Variants in CNTN4 observed in about 807,000 individuals in gnomAD.
CNTN4 encodes contactin-4.
Under a neutral mutation model 122.5 loss-of-function variants are expected in CNTN4, and 77 were observed. The observed-to-expected ratio is 0.63, with a 90% CI of 0.52 to 0.76. The LOEUF (loss-of-function observed/expected upper bound fraction) is 0.76, where lower values mean the gene tolerates loss of function less well. CNTN4 is among the 30% of genes least tolerant of loss of function. CNTN4 has a pLI of 0.00. For missense variants in CNTN4, 1,256 were observed against 1,259.1 expected, an observed-to-expected ratio of 1.00 and a Z score of 0.04; for synonymous variants, 512 against 447.0, an observed-to-expected ratio of 1.15 and a Z score of -1.83.
intron 20 of CNTN4, among the ~76,000 whole-genome samples, 168 bp from the exon 21 acceptor site, chr3:3,042,142 C>T (rs1322908491): frequency 1.3e-5 from 2 of 152,160 alleles, no homozygotes; most frequent in African/African-American, 4.8e-5. Context: ...TATTCACTAC[C>T]ACCAACTCCA....
intron 4 of CNTN4, among the ~76,000 whole-genome samples, chr3:2,574,196 A>G (rs776736909): frequency 1.1e-4 from 16 of 152,248 alleles, no homozygotes; most frequent in Non-Finnish European, 2.2e-4. Context: ...AGCCTGGGCA[A>G]CAAGAGTGAA....
At chr3:2,261,592 G>A (rs372473838) in intron 2 of CNTN4, among the ~76,000 whole-genome samples, 1 of 152,256 alleles carries the variant, frequency 6.6e-6, no homozygotes, top group South Asian at 2.1e-4. Context: ...ATCTGGGATA[G>A]AAGCTTCTGC....
chr3:3,015,051 G>A (rs78297884), intron 14 of CNTN4, among the ~76,000 whole-genome samples: 1,903 of 152,092 alleles, frequency 0.013, 22 homozygotes, highest in Middle Eastern at 0.024. Context: ...TCTCCAAAAT[G>A]AAAAACAGTA....
At position 2,639,986 on chromosome 3, in the gene CNTN4, G is replaced by T. The variant is rs189681640; in HGVS notation, c.55+68428G>T. 5.3e-5 allele frequency among the ~76,000 whole-genome samples: 8 copies of T among 152,282 alleles called. No individual in the cohort carries two copies. The East Asian group carries it at 1.3e-3, about 26-fold the overall frequency. ...ACATAATACACATTTGGGTTTTAAA[G>T]AATTTAGTTAATTGAATTCAATGAA... On this transcript the variant is annotated intron_variant, in intron 4 of 24. Transcript: ENST00000418658.
chr3:2,287,988 G>A (rs2042005090), intron 2 of CNTN4, among the ~76,000 whole-genome samples: 1 of 152,274 alleles, frequency 6.6e-6, no homozygotes, highest in Admixed American at 6.5e-5. Flanking sequence ...ATAAGAATCT[G>A]TGAGAGCCAG....
chr3:2,476,321 G>A (rs9854471), intron 3 of CNTN4, among the ~76,000 whole-genome samples: 2 of 152,020 alleles, frequency 1.3e-5, no homozygotes, highest in East Asian at 3.9e-4. Context: ...CGTTTCCACT[G>A]CAGGATCTTG....
At chr3:2,483,331 G>A (rs2076059486) in intron 3 of CNTN4, among the ~76,000 whole-genome samples, 1 of 152,166 alleles carries the variant, frequency 6.6e-6, no homozygotes, top group Admixed American at 6.5e-5. Context: ...TACCCCCATT[G>A]TATCTAGGAA....
At chr3:2,112,281 G>A (rs2033021405) in intron 2 of CNTN4, among the ~76,000 whole-genome samples, 1 of 152,084 alleles carries the variant, frequency 6.6e-6, no homozygotes, top group African/African-American at 2.4e-5. Flanking sequence ...AATGTTTCCA[G>A]TTGCTTTCAG....
chr3:2,399,582 A>G lies in CNTN4; in HGVS notation c.-89+60349A>G, dbSNP rs561288318. Among the ~76,000 whole-genome samples the G allele has an allele frequency of 9.1e-4, 138 of 152,232 alleles. 1 individual carries two copies. The Middle Eastern group carries it at 0.031, about 34-fold the overall frequency. On this transcript the variant is annotated intron_variant, in intron 3 of 24. Transcript: ENST00000418658. ...TCTATTTGTAAATGAAAATGTTAAT[A>G]TTAACTATCTTATTTGATTATTGTG...
intron 3 of CNTN4, among the ~76,000 whole-genome samples, chr3:2,387,085 A>G (rs917665769): frequency 2.6e-5 from 4 of 152,228 alleles, no homozygotes. Context: ...CTACTATAGT[A>G]ATAAATAAAT....
chr3:2,115,448 T>C (rs911881411), intron 2 of CNTN4, among the ~76,000 whole-genome samples: 9 of 152,342 alleles, frequency 5.9e-5, no homozygotes, highest in African/African-American at 2.2e-4. Context: ...ATGGAGGTTC[T>C]TCCAGGTAAC....
intron 3 of CNTN4, among the ~76,000 whole-genome samples, chr3:2,480,183 C>T (rs2075951036): frequency 6.6e-6 from 1 of 151,952 alleles, no homozygotes; most frequent in South Asian, 2.1e-4. Context: ...GTGAGAATCT[C>T]AAAGTTTTCC....
chr3:2,625,863 G>A (rs1016539701), intron 4 of CNTN4, among the ~76,000 whole-genome samples: 9 of 152,022 alleles, frequency 5.9e-5, no homozygotes, highest in African/African-American at 2.2e-4. Flanking sequence ...TCAGCTTCAC[G>A]AGATAACACT....
At chr3:2,869,625 C>T (rs543983975) in intron 8 of CNTN4, among the ~76,000 whole-genome samples, 1 of 152,252 alleles carries the variant, frequency 6.6e-6, no homozygotes, top group South Asian at 2.1e-4. Context: ...GCTTTTTTGG[C>T]CATCTTTCTA....
At chr3:2,890,952 A>G (rs1316802965) in intron 10 of CNTN4, among the ~76,000 whole-genome samples, 1 of 152,104 alleles carries the variant, frequency 6.6e-6, no homozygotes, top group Non-Finnish European at 1.5e-5. Context: ...TACTAAAGAT[A>G]AACATTTTCC....
At chr3:2,706,729 C>A (rs1267236308) in intron 4 of CNTN4, among the ~76,000 whole-genome samples, 1 of 152,164 alleles carries the variant, frequency 6.6e-6, no homozygotes, top group East Asian at 1.9e-4. Flanking sequence ...AACTTTGCTG[C>A]ATGTTTAAAA....
intron 3 of CNTN4, among the ~76,000 whole-genome samples, chr3:2,453,079 A>C (rs952897188): frequency 6.6e-6 from 1 of 152,128 alleles, no homozygotes; most frequent in Non-Finnish European, 1.5e-5. Flanking sequence ...ACAGATTGTA[A>C]GATTTGATAT....
rs539609817 is a variant in CNTN4 at position 2,709,489 on chromosome 3, A to T, written c.56-26726A>T. Among the ~76,000 whole-genome samples, 1 of 152,286 alleles carries T rather than the reference A, an allele frequency of 6.6e-6. No homozygotes were observed. Among genetic ancestry groups the T allele is most frequent in the South Asian group, 2.1e-4 (1 of 4,826 alleles). On this transcript the variant is annotated intron_variant, in intron 4 of 24. Transcript: ENST00000418658. The surrounding 1 kb of genome is among the most constrained non-coding windows in gnomAD (Gnocchi z 5.0). Reference sequence around the variant, plus strand: ...GGAACTACTGAAACCTAATCCCCGCAATTACAGGGTTTTATATCGTTTGCC... The same window carrying T: ...GGAACTACTGAAACCTAATCCCCGCTATTACAGGGTTTTATATCGTTTGCC...
At chr3:2,183,109 C>A (rs1387224629) in intron 2 of CNTN4, among the ~76,000 whole-genome samples, 1 of 152,086 alleles carries the variant, frequency 6.6e-6, no homozygotes. Flanking sequence ...GATCTATTTT[C>A]AAAATATATC....
Sources: allele counts gnomAD v4.1 joint callset (sites outside exome capture counted in the v4.1 genomes callset), GRCh38; gene constraint gnomAD v4.1.1; non-coding constraint Gnocchi (gnomAD v3.1); transcripts MANE v1.5; gene names NCBI Gene and HGNC (gene_info 2026-07-23, HGNC 2026-07-21).